Variants in VCL observed in about 807,000 individuals in gnomAD.
VCL encodes epididymis luminal protein 114.
Under a neutral mutation model 125.7 loss-of-function variants are expected in VCL, and 47 were observed. The observed-to-expected ratio is 0.37, with a 90% CI of 0.30 to 0.48. The LOEUF (loss-of-function observed/expected upper bound fraction) is 0.48, where lower values mean the gene tolerates loss of function less well. Ranked by LOEUF, VCL falls within the 20% of genes least tolerant of loss-of-function variation. The pLI is 0.99. For synonymous variants in VCL, 458 were observed against 514.6 expected (o/e 0.89, Z 1.49); for missense variants, 1,069 against 1,455.5 (o/e 0.73, Z 4.32).
At chr10:74,003,498 C>T (rs1238980495) in intron 1 of VCL, among the ~76,000 whole-genome samples, 1 of 152,066 alleles carries the variant, frequency 6.6e-6, no homozygotes, top group Non-Finnish European at 1.5e-5. Flanking sequence ...ATAGTCATGC[C>T]AGTTTTGTTA....
chr10:74,094,609 G>T (rs995911549), intron 11 of VCL, 148 bp downstream of exon 11: 13 of 1,068,996 alleles, frequency 1.2e-5, no homozygotes, highest in African/African-American at 1.6e-5. Context: ...AATGCAGCCA[G>T]TAAAATTCCT....
intron 14 of VCL, among the ~76,000 whole-genome samples, chr10:74,101,714 C>T (rs1437829458): frequency 6.6e-6 from 1 of 151,540 alleles, no homozygotes; most frequent in Non-Finnish European, 1.5e-5. Flanking sequence ...CGCCACCGCG[C>T]CCGGCTAATT....
Position 74,091,902 on chromosome 10 carries a change from TTTTA to T in VCL, c.1352+1724_1352+1727del, listed in dbSNP as rs1009809849. 2.4e-4 allele frequency among the ~76,000 whole-genome samples: 37 copies of T among 151,578 alleles called. No individual in the cohort carries two copies. In the South Asian group the frequency reaches 5.4e-3, roughly 22 times the overall value. ...GCTATTATTTTTATTTATGTATGTA[TTTTA>T]TTTATTTATTTATTTATTTTTGAGA... On this transcript the variant is annotated intron_variant, in intron 10 of 21. Transcript: ENST00000211998.
chr10:74,113,157 A>T (rs942955387), intron 19 of VCL, among the ~76,000 whole-genome samples: 2 of 152,186 alleles, frequency 1.3e-5, no homozygotes, highest in African/African-American at 4.8e-5. Flanking sequence ...GAGGGGAAAA[A>T]TGAGTAGGGC....
At chr10:74,030,160 A>T (rs1306948942) in intron 1 of VCL, among the ~76,000 whole-genome samples, 1 of 152,226 alleles carries the variant, frequency 6.6e-6, no homozygotes, top group African/African-American at 2.4e-5. Context: ...CAGGCCAGTT[A>T]TAAGCACTGG....
intron 1 of VCL, among the ~76,000 whole-genome samples, chr10:74,031,831 G>A (rs12354664): frequency 1.3e-5 from 2 of 152,032 alleles, no homozygotes; most frequent in Admixed American, 6.6e-5. Flanking sequence ...TTGGGAGGCC[G>A]AGGCGGGCGG....
At chr10:74,043,561 G>T (rs558026679) in intron 2 of VCL, among the ~76,000 whole-genome samples, 5 of 152,044 alleles carry the variant, frequency 3.3e-5, no homozygotes, top group Admixed American at 3.3e-4. Flanking sequence ...TGGCCAAGCT[G>T]GTCTTGAACT....
At chr10:74,085,169 AG>A (rs1839750351) in intron 8 of VCL, among the ~76,000 whole-genome samples, 1 of 152,246 alleles carries the variant, frequency 6.6e-6, no homozygotes, top group Admixed American at 6.5e-5. Context: ...TTGAGATTAA[AG>A]GCGTGAGCCA....
At chr10:74,106,034 C>T (rs910402453) in intron 16 of VCL, among the ~76,000 whole-genome samples, 1 of 151,696 alleles carries the variant, frequency 6.6e-6, no homozygotes, top group African/African-American at 2.4e-5. Flanking sequence ...GATTCTCCTG[C>T]CCCAGCCTCC....
chr10:74,077,214 T>C (rs748486098), intron 6 of VCL: 1 of 152,680 alleles, frequency 6.5e-6, no homozygotes, highest in South Asian at 2.1e-4. Flanking sequence ...GAGATGTTTA[T>C]GTTTTAATCT....
intron 2 of VCL, among the ~76,000 whole-genome samples, chr10:74,058,657 A>G (rs1051093094): frequency 1.3e-5 from 2 of 150,088 alleles, no homozygotes; most frequent in Admixed American, 6.7e-5. Context: ...GTTTTAATTT[A>G]TGGACCATAT....
intron 2 of VCL, among the ~76,000 whole-genome samples, chr10:74,058,908 C>T (rs370658143): frequency 4.2e-5 from 6 of 142,484 alleles, no homozygotes; most frequent in Non-Finnish European, 6.4e-5. Context: ...TGTGTGTGTG[C>T]GTGTGCACGT....
chr10:74,111,273 T>C (rs1187717961), intron 18 of VCL, among the ~76,000 whole-genome samples: 2 of 152,190 alleles, frequency 1.3e-5, no homozygotes, highest in Non-Finnish European at 2.9e-5. Flanking sequence ...TCAGTCACCA[T>C]TGTGTTTGTT....
intron 10 of VCL, among the ~76,000 whole-genome samples, 197 bp downstream of exon 10, chr10:74,090,395 C>T (rs1181216152): frequency 6.6e-6 from 1 of 152,068 alleles, no homozygotes; most frequent in Admixed American, 6.6e-5. Flanking sequence ...AGTGATGTAA[C>T]TGAGGTTTAA....
chr10:74,027,733 A>G (rs781547652), intron 1 of VCL: 3 of 151,828 alleles, frequency 2.0e-5, no homozygotes, highest in Non-Finnish European at 4.4e-5. Flanking sequence ...AGTGAATTGT[A>G]TAAGAATTTG....
intron 19 of VCL, among the ~76,000 whole-genome samples, chr10:74,112,537 G>C (rs909941128): frequency 6.6e-6 from 1 of 152,156 alleles, no homozygotes; most frequent in African/African-American, 2.4e-5. Context: ...GAGAGTTGAT[G>C]AGGGGGAGAG....
intron 6 of VCL, among the ~76,000 whole-genome samples, chr10:74,082,096 T>G (rs758525381): frequency 6.6e-6 from 1 of 152,154 alleles, no homozygotes; most frequent in Non-Finnish European, 1.5e-5. Flanking sequence ...CTGCAGTAGA[T>G]GAATGTTGAC....
chr10:74,055,473 T>C (rs1282336998), intron 2 of VCL, among the ~76,000 whole-genome samples: 1 of 151,518 alleles, frequency 6.6e-6, no homozygotes, highest in Non-Finnish European at 1.5e-5. Context: ...GCCTCCCAGG[T>C]ACCTGGGACT....
At chr10:74,024,958 C>G (rs1840744781) in intron 1 of VCL, among the ~76,000 whole-genome samples, 1 of 152,176 alleles carries the variant, frequency 6.6e-6, no homozygotes, top group Admixed American at 6.5e-5. Flanking sequence ...TGTAGAGTTA[C>G]AGAATCACAC....
Sources: gnomAD v4.1 joint callset for allele counts (sites outside exome capture counted in the v4.1 genomes callset) on GRCh38, gnomAD v4.1.1 for gene constraint, MANE v1.5 for transcripts, NCBI Gene and HGNC (gene_info 2026-07-23, HGNC 2026-07-21) for gene names.